ISM1: variants seen among roughly 807,000 people sequenced by gnomAD.
ISM1 encodes isthmin-1.
In ISM1, 25 loss-of-function variants were observed where a neutral mutation model predicts 46.3. That is an observed-to-expected ratio of 0.54 (90% CI 0.39 to 0.75). The LOEUF (loss-of-function observed/expected upper bound fraction) is 0.75. Among genes scored for constraint, ISM1 ranks in the 30% least tolerant of loss-of-function variants. The pLI, the probability that ISM1 is intolerant of heterozygous loss-of-function variation, is 0.00. For synonymous variants in ISM1, 255 were observed against 256.7 expected (o/e 0.99, Z 0.06); for missense variants, 536 against 625.4 (o/e 0.86, Z 1.52).
intron 1 of ISM1, among the ~76,000 whole-genome samples, chr20:13,249,678 G>T (rs754539330): frequency 2.0e-5 from 3 of 152,220 alleles, no homozygotes; most frequent in Non-Finnish European, 4.4e-5. Context: ...AGGCTCTGGT[G>T]GTTCGAGTGG....
chr20:13,266,759 GAAT>G (rs1367617721), intron 1 of ISM1, among the ~76,000 whole-genome samples: 1 of 152,150 alleles, frequency 6.6e-6, no homozygotes, highest in African/African-American at 2.4e-5. Flanking sequence ...TTTCAGAGAA[GAAT>G]GTTTGCTTGC....
chr20:13,224,738 A>G (rs1309551553), intron 1 of ISM1, among the ~76,000 whole-genome samples: 1 of 152,198 alleles, frequency 6.6e-6, no homozygotes, highest in African/African-American at 2.4e-5. Flanking sequence ...AGGACGCCCA[A>G]TAAAGTAGTA....
intron 1 of ISM1, among the ~76,000 whole-genome samples, chr20:13,222,795 CAACTGTA>C (rs2039466866): frequency 6.6e-6 from 1 of 152,180 alleles, no homozygotes; most frequent in Admixed American, 6.5e-5. Context: ...AGGGGTGGGA[CAACTGTA>C]AACTTGGAGC....
chr20:13,309,582 G>A, the ISM1 span, among the ~76,000 whole-genome samples: 1 of 152,076 alleles, frequency 6.6e-6, no homozygotes, highest in Non-Finnish European at 1.5e-5. Flanking sequence ...GCACAGTTCT[G>A]GAAATCTTAG....
At chr20:13,291,806 T>C (rs1009793551) in intron 4 of ISM1, among the ~76,000 whole-genome samples, 1 of 152,156 alleles carries the variant, frequency 6.6e-6, no homozygotes. Context: ...GCTAGACAAA[T>C]ATTCAAGGGA....
At chr20:13,232,342 C>T (rs2123139246) in intron 1 of ISM1, among the ~76,000 whole-genome samples, 1 of 152,300 alleles carries the variant, frequency 6.6e-6, no homozygotes, top group Admixed American at 6.5e-5. Context: ...CACTGATCTG[C>T]CTTCTCTCAC....
At chr20:13,258,484 G>T (rs1396810613) in intron 1 of ISM1, among the ~76,000 whole-genome samples, 1 of 152,110 alleles carries the variant, frequency 6.6e-6, no homozygotes, top group Non-Finnish European at 1.5e-5. Context: ...TTACCCACTT[G>T]GAGGGTGCCA....
intron 1 of ISM1, among the ~76,000 whole-genome samples, chr20:13,226,345 A>G (rs1050545890): frequency 1.3e-5 from 2 of 152,194 alleles, no homozygotes; most frequent in Non-Finnish European, 2.9e-5. Context: ...GAAAGTCAAT[A>G]GCCATTTGTG....
At chr20:13,314,171 G>A in the ISM1 span, among the ~76,000 whole-genome samples, 6 of 152,016 alleles carry the variant, frequency 3.9e-5, no homozygotes, top group East Asian at 7.7e-4. Flanking sequence ...CACATAATGG[G>A]AATACAAGAA....
chr20:13,251,180 T>G (rs2039864291), intron 1 of ISM1, among the ~76,000 whole-genome samples: 1 of 152,192 alleles, frequency 6.6e-6, no homozygotes, highest in Non-Finnish European at 1.5e-5. Flanking sequence ...ACCCAGTAGT[T>G]GAATGGTGAG....
At chr20:13,296,252 G>A (rs1023937978) in intron 5 of ISM1, among the ~76,000 whole-genome samples, 2 of 152,144 alleles carry the variant, frequency 1.3e-5, no homozygotes, top group African/African-American at 2.4e-5. Flanking sequence ...CTTTGCCTGA[G>A]GTCTTTCTCT....
Position 13,296,083 on chromosome 20 carries a change from A to G in ISM1, c.878-2859A>G, listed in dbSNP as rs540037175. 2.6e-5 allele frequency among the ~76,000 whole-genome samples: 4 copies of G among 152,196 alleles called. No individual in the cohort carries two copies. The East Asian group carries it at 7.7e-4, about 29-fold the overall frequency. On this transcript the variant is annotated intron_variant, in intron 5 of 5. Coordinates refer to ENST00000262487, the MANE Select transcript of ISM1 (RefSeq NM_080826.2). ...GCCTTTGCCTCCCTTAATGCACCCC[A>G]CATTCCACCACAGTTGGCTTCCTTA...
intron 1 of ISM1, among the ~76,000 whole-genome samples, chr20:13,263,819 T>C (rs1049704310): frequency 2.0e-5 from 3 of 152,222 alleles, no homozygotes; most frequent in Admixed American, 6.5e-5. Context: ...ATATTGCTAA[T>C]TAACTATATT....
At chr20:13,287,132 C>T (rs1282613079) in intron 3 of ISM1, among the ~76,000 whole-genome samples, 1 of 152,182 alleles carries the variant, frequency 6.6e-6, no homozygotes. Context: ...TTAGTCTATT[C>T]TCATACTGCT....
intron 1 of ISM1, among the ~76,000 whole-genome samples, chr20:13,245,778 A>G (rs112363033): frequency 0.036 from 5,517 of 152,208 alleles, 171 homozygotes; most frequent in African/African-American, 0.077. Flanking sequence ...CTGCTCACAA[A>G]CTTCCAATCA....
chr20:13,311,535 A>G, the ISM1 span, among the ~76,000 whole-genome samples: 1 of 152,248 alleles, frequency 6.6e-6, no homozygotes, highest in South Asian at 2.1e-4. Context: ...AAATCAACAT[A>G]AGTGTTCATA....
downstream of ISM1, among the ~76,000 whole-genome samples, chr20:13,301,494 C>T (rs1026445973): frequency 3.3e-5 from 5 of 152,154 alleles, no homozygotes; most frequent in African/African-American, 1.2e-4. Context: ...CAGACATTTA[C>T]ACCTTACAAT....
intron 2 of ISM1, among the ~76,000 whole-genome samples, chr20:13,271,006 A>T (rs1488600426): frequency 6.6e-6 from 1 of 152,250 alleles, no homozygotes; most frequent in Non-Finnish European, 1.5e-5. Context: ...GGATTACAAG[A>T]TACATACTAA....
At chr20:13,227,066 T>C (rs1190946931) in intron 1 of ISM1, among the ~76,000 whole-genome samples, 1 of 152,258 alleles carries the variant, frequency 6.6e-6, no homozygotes, top group Non-Finnish European at 1.5e-5. Context: ...ATCTCTTTTA[T>C]TGCCTTTTGT....
Sources: gnomAD v4.1 joint callset for allele counts (sites outside exome capture counted in the v4.1 genomes callset) on GRCh38, gnomAD v4.1.1 for gene constraint, MANE v1.5 for transcripts, NCBI Gene and HGNC (gene_info 2026-07-23, HGNC 2026-07-21) for gene names.